SLC7A11: variants seen among roughly 807,000 people sequenced by gnomAD.
The protein encoded by SLC7A11 is cystine/glutamate transporter.
SLC7A11 carries 35 observed loss-of-function variants against 54.5 expected under a neutral mutation model. That is an observed-to-expected ratio of 0.64 (90% CI 0.49 to 0.85). The LOEUF (loss-of-function observed/expected upper bound fraction) is 0.85, where lower values mean the gene tolerates loss of function less well. Among genes scored for constraint, SLC7A11 ranks in the 40% least tolerant of loss-of-function variants. SLC7A11 has a pLI of 0.00. For missense variants in SLC7A11, 583 were observed against 618.1 expected (o/e 0.94, Z 0.60); for synonymous variants, 230 against 225.2 (o/e 1.02, Z -0.19).
At chr4:138,228,758 C>CAAA (rs5862371) in intron 3 of SLC7A11, among the ~76,000 whole-genome samples, 59 of 67,760 alleles carry the variant, frequency 8.7e-4, no homozygotes, top group African/African-American at 1.4e-3. Flanking sequence ...GACTCCGTCT[C>CAAA]AAAAAAAAAA....
chr4:138,229,252 A>T (rs1234370363), intron 3 of SLC7A11, among the ~76,000 whole-genome samples: 1 of 152,202 alleles, frequency 6.6e-6, no homozygotes, highest in African/African-American at 2.4e-5. Flanking sequence ...CTTTGAAGAA[A>T]GCAGGGTGTG....
intron 5 of SLC7A11, among the ~76,000 whole-genome samples, chr4:138,217,521 G>T (rs1482115213): frequency 6.6e-6 from 1 of 152,124 alleles, no homozygotes; most frequent in African/African-American, 2.4e-5. Flanking sequence ...TCTACATAAA[G>T]CAAGTGACCT....
intron 5 of SLC7A11, among the ~76,000 whole-genome samples, chr4:138,218,786 T>G (rs2148442409): frequency 6.6e-6 from 1 of 152,292 alleles, no homozygotes; most frequent in Admixed American, 6.5e-5. Context: ...TGCCTTTAGA[T>G]TACCATTTAC....
intron 6 of SLC7A11, among the ~76,000 whole-genome samples, chr4:138,204,643 G>A (rs768490717): frequency 1.1e-4 from 16 of 151,764 alleles, no homozygotes; most frequent in African/African-American, 2.9e-4. Flanking sequence ...CAGTAGAAAC[G>A]CAAACAGTCC....
intron 6 of SLC7A11, among the ~76,000 whole-genome samples, chr4:138,209,325 A>G (rs980809835): frequency 6.6e-6 from 1 of 152,002 alleles, no homozygotes; most frequent in African/African-American, 2.4e-5. Flanking sequence ...TCCATGACTG[A>G]TTGGGAAACA....
chr4:138,227,954 A>G (rs2148449788), intron 3 of SLC7A11, among the ~76,000 whole-genome samples: 1 of 152,374 alleles, frequency 6.6e-6, no homozygotes, highest in East Asian at 1.9e-4. Context: ...AAGTAGGTAT[A>G]GCCAGATTTC....
intron 11 of SLC7A11, 40 bp downstream of exon 11, chr4:138,179,177 T>C (rs1444768484): frequency 3.6e-6 from 5 of 1,374,698 alleles, no homozygotes; most frequent in Non-Finnish European, 4.1e-6. Flanking sequence ...GTTTTCTACA[T>C]GGTGTTGCAC....
chr4:138,218,491 T>G (rs1737730493), intron 5 of SLC7A11, among the ~76,000 whole-genome samples: 1 of 152,230 alleles, frequency 6.6e-6, no homozygotes, highest in Non-Finnish European at 1.5e-5. Flanking sequence ...CAATAAAATT[T>G]ACTGAAGAGA....
chr4:138,227,635 T>C (rs893163099), intron 3 of SLC7A11, among the ~76,000 whole-genome samples: 10 of 152,198 alleles, frequency 6.6e-5, no homozygotes, highest in Non-Finnish European at 1.5e-4. Context: ...ACAGTGAAGA[T>C]GGGTCTGGAG....
At chr4:138,177,925 T>C (rs1319643984) in intron 11 of SLC7A11, 1 of 152,140 alleles carries the variant, frequency 6.6e-6, no homozygotes, top group African/African-American at 2.4e-5. Context: ...ATTGCTGCAG[T>C]AACCACCAAA....
At chr4:138,183,989 T>C (rs967303664) in intron 7 of SLC7A11, among the ~76,000 whole-genome samples, 2 of 152,180 alleles carry the variant, frequency 1.3e-5, no homozygotes, top group Non-Finnish European at 2.9e-5. Context: ...TTCTAAAATG[T>C]TCTTTTATGC....
At chr4:138,185,908 A>G (rs1475891160) in intron 6 of SLC7A11, among the ~76,000 whole-genome samples, 1 of 152,106 alleles carries the variant, frequency 6.6e-6, no homozygotes, top group Non-Finnish European at 1.5e-5. Flanking sequence ...CACAATAATG[A>G]CTTTGCACTG....
chr4:138,199,639 G>A (rs1017269883), intron 6 of SLC7A11, among the ~76,000 whole-genome samples: 1 of 152,090 alleles, frequency 6.6e-6, no homozygotes, highest in Non-Finnish European at 1.5e-5. Context: ...TTCCACCCAG[G>A]TATTGCTATA....
intron 6 of SLC7A11, among the ~76,000 whole-genome samples, chr4:138,202,394 C>G (rs1047960630): frequency 3.3e-5 from 5 of 151,936 alleles, no homozygotes; most frequent in African/African-American, 1.2e-4. Flanking sequence ...TGAAGGGGTG[C>G]CAGTTTGGAC....
chr4:138,215,272 A>G (rs963209633), intron 5 of SLC7A11, among the ~76,000 whole-genome samples: 3 of 152,162 alleles, frequency 2.0e-5, no homozygotes, highest in Non-Finnish European at 4.4e-5. Context: ...ATAATCTTCC[A>G]TTATCTTATT....
At chr4:138,192,344 C>A (rs978432873) in intron 6 of SLC7A11, among the ~76,000 whole-genome samples, 1 of 152,136 alleles carries the variant, frequency 6.6e-6, no homozygotes, top group Non-Finnish European at 1.5e-5. Context: ...ACATTCTTTT[C>A]CTGAGTGAGC....
intron 3 of SLC7A11, among the ~76,000 whole-genome samples, chr4:138,224,207 A>T (rs1737885477): frequency 6.6e-6 from 1 of 152,106 alleles, no homozygotes; most frequent in Non-Finnish European, 1.5e-5. Context: ...TCTAAGGCAC[A>T]AGGGAAATGG....
intron 4 of SLC7A11, among the ~76,000 whole-genome samples, chr4:138,220,679 C>T (rs1398397700): frequency 1.3e-5 from 2 of 152,104 alleles, no homozygotes; most frequent in Non-Finnish European, 2.9e-5. Flanking sequence ...AAAAATGTTT[C>T]TATTACCCAA....
chr4:138,184,931 T>C (rs569522418), intron 7 of SLC7A11, among the ~76,000 whole-genome samples, 190 bp downstream of exon 7: 1 of 152,292 alleles, frequency 6.6e-6, no homozygotes, highest in South Asian at 2.1e-4. Flanking sequence ...GGAAATCATA[T>C]AGGAATTTAG....
Sources: gnomAD v4.1 joint callset for allele counts (sites outside exome capture counted in the v4.1 genomes callset) on GRCh38, gnomAD v4.1.1 for gene constraint, MANE v1.5 for transcripts, NCBI Gene and HGNC (gene_info 2026-07-23, HGNC 2026-07-21) for gene names.